Variants in INSRR observed in about 807,000 individuals in gnomAD.
INSRR encodes insulin receptor-related protein.
A neutral mutation model predicts 130.0 loss-of-function variants in INSRR; 114 were observed. The observed-to-expected ratio is 0.88, with a 90% confidence interval of 0.75 to 1.02. The LOEUF is 1.02. INSRR is among the 50% of genes least tolerant of loss of function. INSRR has a pLI of 0.00. For missense variants in INSRR, 1,657 were observed against 1,735.2 expected, an observed-to-expected ratio of 0.95 and a Z score of 0.80; for synonymous variants, 674 against 705.2, an observed-to-expected ratio of 0.96 and a Z score of 0.70.
At position 156,851,274 on chromosome 1, in the gene INSRR, G is replaced by C. The variant is rs1655194457; in HGVS notation, c.1229+16C>G. 1 of 1,614,134 alleles carries C rather than the reference G, an allele frequency of 6.2e-7. No homozygotes were observed. The highest frequency in any genetic ancestry group is 2.2e-5 in the East Asian group (1 of 44,890). On this transcript the variant is annotated intron_variant, in intron 5 of 21. Coordinates refer to ENST00000368195, the MANE Select transcript of INSRR (RefSeq NM_014215.3). ...GGAGTGTAATAGAAGGAGCTGGTCA[G>C]AGGCCTAACCCTTACCCATCCACCA...
At chr1:156,842,300 A>G (rs774437818) in intron 18 of INSRR, 29 bp from the exon 19 acceptor site, 10 of 1,613,708 alleles carry the variant, frequency 6.2e-6, no homozygotes, top group Non-Finnish European at 1.7e-6. Context: ...GCTGGTGAGG[A>G]AGGAACCCAG....
rs545021292 is a variant in INSRR at position 156,845,383 on chromosome 1, C to T, written c.2205G>A (p.Lys735=). 8 of 1,571,690 alleles carry T rather than the reference C, an allele frequency of 5.1e-6. No individual in the cohort carries two copies. The highest frequency in any genetic ancestry group is 2.3e-5 in the East Asian group (1 of 44,442). The change falls in exon 11 of 22, where the codon AAG becomes AAA. Residue 735 remains lysine (K), a synonymous_variant. Transcript: ENST00000368195. The part of the protein sequence containing the change: ...ISPWKVTSIN[K]SPQRDSGRHR... ...CTAGTCCTGCTCACCTTTGGGGGCT[C>T]TTGTTGATGGACGTCACCTTCCAAG...
rs534062373 is a variant in INSRR at position 156,845,873 on chromosome 1, C to G, written c.1979-59G>C. 430 of 1,600,378 alleles carry G rather than the reference C, an allele frequency of 2.7e-4. 2 individuals carry two copies. The African/African-American group carries it at 4.4e-3, about 16-fold the overall frequency. ...GGCGGTCTACCCGCCTCTGATCCCC[C>G]CCACCTGCCGGGGCCCTGCGCCTCC... On this transcript the variant is annotated intron_variant, in intron 9 of 21. Transcript: ENST00000368195.
At chr1:156,851,511 C>A (rs1021007900) in intron 4 of INSRR, 77 bp from the exon 5 acceptor site, 1 of 1,605,430 alleles carries the variant, frequency 6.2e-7, no homozygotes, top group Non-Finnish European at 8.5e-7. Flanking sequence ...TGAATGGGGG[C>A]CCCGGGAAGG....
intron 10 of INSRR, 91 bp from the exon 11 acceptor site, chr1:156,845,504 C>T: frequency 6.7e-7 from 1 of 1,491,744 alleles, no homozygotes; most frequent in South Asian, 1.4e-5. Context: ...CACCCACAAC[C>T]CGGGACCCGC....
At position 156,845,175 on chromosome 1, in the gene INSRR, A is replaced by G; in HGVS notation, c.2338T>C (p.Phe780Leu). Residue 780 changes from phenylalanine to leucine, a missense_variant, in exon 12 of 22, where the codon TTC (phenylalanine) becomes CTC (leucine). Coordinates refer to ENST00000368195, the MANE Select transcript of INSRR (RefSeq NM_014215.3). Reference protein sequence around the residue: ...ERAVLSGLRHFTEYRIDIHAC... With the variant: ...ERAVLSGLRHLTEYRIDIHAC... ...TGGATGTCGATCCGGTATTCCGTGA[A>G]GTGGCGCAGGCCGCTCAGCACCGCT... is the stretch of plus-strand genomic sequence containing the variant. 1.2e-6 allele frequency: 2 copies of G among 1,611,154 alleles called. No individual in the cohort carries two copies. Among genetic ancestry groups the G allele is most frequent in the Non-Finnish European group, 1.7e-6 (2 of 1,179,016 alleles).
rs1654993853 is a variant in INSRR, at chr1:156,846,001, C to T, written c.1929G>A (p.Gln643=). 1.2e-6 allele frequency: 2 copies of T among 1,614,132 alleles called. No individual in the cohort carries two copies. Among genetic ancestry groups the T allele is most frequent in the Non-Finnish European group, 1.7e-6 (2 of 1,180,020 alleles). ...AGAGGTCGCCGTCCTCTGCCAGCCGCTGCCACAGCACCAGGTAGTAGGTGA... is the reference window on the plus strand; with the variant it reads ...AGAGGTCGCCGTCCTCTGCCAGCCGTTGCCACAGCACCAGGTAGTAGGTGA... The part of the protein sequence containing the change: ...GNLTYYLVLW[Q]RLAEDGDLYL... The change falls in exon 9 of 22, where the codon CAG becomes CAA. Residue 643 remains glutamine, a synonymous_variant. Coordinates refer to ENST00000368195, the MANE Select transcript of INSRR (RefSeq NM_014215.3).
intron 5 of INSRR, among the ~76,000 whole-genome samples, chr1:156,850,529 ACATTCTTTTT>A (rs1333468586): frequency 8.4e-4 from 114 of 135,692 alleles, no homozygotes; most frequent in African/African-American, 3.2e-3. Context: ...GTAATTTAAA[ACATTCTTTTT>A]TTTTTTTTTT....
At chr1:156,849,782 G>A (rs1444779220) in intron 5 of INSRR, among the ~76,000 whole-genome samples, 1 of 152,004 alleles carries the variant, frequency 6.6e-6, no homozygotes, top group African/African-American at 2.4e-5. Context: ...AGGCTTTGGA[G>A]ACACCAGGAG....
At position 156,858,710 on chromosome 1, in the gene INSRR, C is replaced by G; in HGVS notation, c.-89G>C. 9.0e-7 allele frequency: 1 copy of G among 1,114,412 alleles called. No homozygotes were observed. Among genetic ancestry groups the G allele is most frequent in the South Asian group, 1.2e-5 (1 of 80,438 alleles). 69.0% of individuals were successfully genotyped at this position (1,114,412 alleles called of 1,614,324 possible). A position where few individuals can be genotyped will look rare whatever the true frequency, so the allele number is the denominator to read the frequency against. On this transcript the variant is annotated 5_prime_UTR_variant, in exon 1 of 22. Coordinates refer to ENST00000368195, the MANE Select transcript of INSRR (RefSeq NM_014215.3). Reference sequence around the variant, plus strand: ...TGATAAGCCCTAAGGGACACAGAGACCAGGGTTCAGATAGGAGAGGGAGGG... The same window carrying G: ...TGATAAGCCCTAAGGGACACAGAGAGCAGGGTTCAGATAGGAGAGGGAGGG...
intron 19 of INSRR, 69 bp downstream of exon 19, chr1:156,842,043 C>A (rs1654811042): frequency 1.9e-6 from 3 of 1,601,516 alleles, no homozygotes; most frequent in Admixed American, 3.5e-5. Flanking sequence ...CTGTGGGTCT[C>A]CTGATGCCTA....
At chr1:156,853,714 C>T in intron 2 of INSRR, 38 bp downstream of exon 2, 1 of 1,561,498 alleles carries the variant, frequency 6.4e-7, no homozygotes, top group South Asian at 1.2e-5. Flanking sequence ...ACCCTGCTCT[C>T]TCCCTTCCCT....
chr1:156,841,920 G>A (rs1654804184), intron 19 of INSRR, 126 bp from the exon 20 acceptor site: 1 of 1,564,906 alleles, frequency 6.4e-7, no homozygotes, highest in Non-Finnish European at 8.8e-7. Flanking sequence ...GAAAGTAGGG[G>A]CTCAATGGAC....
rs1412545308 is a variant in INSRR at position 156,840,619 on chromosome 1, C to T, written c.*254G>A. ...CCCTACCTCTGAGGGCAGGACATCT[C>T]TCCCTGACCTGATCTCTACTCCTCT... On this transcript the variant is annotated 3_prime_UTR_variant, in exon 22 of 22. Transcript: ENST00000368195. The T allele has an allele frequency of 7.2e-6, 4 of 552,322 alleles. No individual in the cohort carries two copies. The highest frequency in any genetic ancestry group is 3.3e-6 in the Non-Finnish European group (1 of 306,746). 34.2% of individuals were successfully genotyped at this position (552,322 alleles called of 1,614,324 possible). A position where few individuals can be genotyped will look rare whatever the true frequency, so the allele number is the denominator to read the frequency against.
intron 5 of INSRR, among the ~76,000 whole-genome samples, chr1:156,850,199 G>T (rs1011332028): frequency 6.6e-6 from 1 of 151,962 alleles, no homozygotes; most frequent in African/African-American, 2.4e-5. Flanking sequence ...ACCGCATCTG[G>T]CCTGGTTGGT....
intron 2 of INSRR, 42 bp downstream of exon 2, chr1:156,853,710 C>G: frequency 6.4e-7 from 1 of 1,554,702 alleles, no homozygotes; most frequent in Non-Finnish European, 8.8e-7. Context: ...TGTGACCCTG[C>G]TCTCTCCCTT....
At position 156,851,384 on chromosome 1, in the gene INSRR, T is replaced by C; in HGVS notation, c.1135A>G (p.Thr379Ala). 1 of 1,614,084 alleles carries C rather than the reference T, an allele frequency of 6.2e-7. No homozygotes were observed. Among genetic ancestry groups the C allele is most frequent in the Non-Finnish European group, 8.5e-7 (1 of 1,179,976 alleles). Residue 379 changes from threonine to alanine, a missense_variant, in exon 5 of 22, where the codon ACT becomes GCT. Transcript: ENST00000368195. ...QHSLGLVETITGFLKIKHSFA... is the reference protein window; with the variant it reads ...QHSLGLVETIAGFLKIKHSFA... ...GAGTGCTTGATTTTGAGGAAGCCAG[T>C]AATGGTTTCTACCAGCCCCAGGCTG...
rs1654994810 is a variant in INSRR at position 156,846,024 on chromosome 1, T to C, written c.1906A>G (p.Thr636Ala). 1 of 1,613,548 alleles carries C rather than the reference T, an allele frequency of 6.2e-7. No homozygotes were observed. Among genetic ancestry groups the C allele is most frequent in the Admixed American group, 1.7e-5 (1 of 59,964 alleles). The stretch of plus-strand genomic sequence containing the variant: ...CGCTGCCACAGCACCAGGTAGTAGG[T>C]GAGGTTCCCATTGCGCTGGGTCGGT... ...KPPTQRNGNLTYYLVLWQRLA... is the reference protein window; with the variant it reads ...KPPTQRNGNLAYYLVLWQRLA... Residue 636 changes from threonine to alanine, a missense_variant, in exon 9 of 22, where the codon ACC becomes GCC. By Grantham distance (58) the Thr-to-Ala change is moderately conservative. Transcript: ENST00000368195.
chr1:156,851,920 C>G lies in INSRR; in HGVS notation c.909G>C (p.Gln303His), dbSNP rs372331836. Reference sequence around the variant, plus strand: ...TATTACGGGTGAAGCCAGAAGGGCACTGGGCCAGGCAACTGCCCTGGTGTA... The same window carrying G: ...TATTACGGGTGAAGCCAGAAGGGCAGTGGGCCAGGCAACTGCCCTGGTGTA... Reference protein sequence around the residue: ...FGIHQGSCLAQCPSGFTRNSS... With the variant: ...FGIHQGSCLAHCPSGFTRNSS... Residue 303 changes from glutamine (Q) to histidine (H), a missense_variant, in exon 3 of 22, where the codon CAG (glutamine) becomes CAC (histidine). Coordinates refer to ENST00000368195, the MANE Select transcript of INSRR (RefSeq NM_014215.3). 11 of 1,595,460 alleles carry G rather than the reference C, an allele frequency of 6.9e-6. No individual in the cohort carries two copies. The highest frequency in any genetic ancestry group is 9.4e-6 in the Non-Finnish European group (11 of 1,167,052).
Sources: gnomAD v4.1 joint callset for allele counts (sites outside exome capture counted in the v4.1 genomes callset) on GRCh38, gnomAD v4.1.1 for gene constraint, MANE v1.5 for transcripts, NCBI Gene and HGNC (gene_info 2026-07-23, HGNC 2026-07-21) for gene names.